Variants in ZNF536 observed in about 807,000 individuals in gnomAD.
ZNF536 encodes zinc finger protein 536.
Under a neutral mutation model 84.5 loss-of-function variants are expected in ZNF536, and 13 were observed. The ratio of observed to expected loss-of-function variants is 0.15; its 90% CI spans 0.10 to 0.24. The LOEUF is 0.24. Ranked by LOEUF, ZNF536 falls within the 10% of genes least tolerant of loss-of-function variation. The pLI is 1.00. For missense variants in ZNF536, 1,536 were observed against 1,747.5 expected, an observed-to-expected ratio of 0.88 and a Z score of 2.16; for synonymous variants, 811 against 742.5, an observed-to-expected ratio of 1.09 and a Z score of -1.50.
At chr19:30,635,928 C>G (rs1203139458) in intron 1 of ZNF536, among the ~76,000 whole-genome samples, 2 of 152,212 alleles carry the variant, frequency 1.3e-5, no homozygotes, top group African/African-American at 4.8e-5. Flanking sequence ...GCTGCAGGCT[C>G]TCCCCGGGTA....
At chr19:30,234,769 AC>A in intron 1 of ZNF536, among the ~76,000 whole-genome samples, 1 of 145,208 alleles carries the variant, frequency 6.9e-6, no homozygotes, top group South Asian at 2.1e-4. Flanking sequence ...ACACACACAC[AC>A]ACACGCGCAC....
upstream of ZNF536, among the ~76,000 whole-genome samples, chr19:30,225,732 C>A (rs1000415561): frequency 1.9e-4 from 1 of 5,300 alleles, no homozygotes; most frequent in Non-Finnish European, 3.6e-4. Context: ...GGGCGCGGCG[C>A]GGGGGGGCGG....
At chr19:30,612,420 C>G (rs2048134662) in intron 1 of ZNF536, among the ~76,000 whole-genome samples, 1 of 152,142 alleles carries the variant, frequency 6.6e-6, no homozygotes, top group African/African-American at 2.4e-5. Flanking sequence ...TCTTTACCAA[C>G]CAGAGGAAAC....
intron 1 of ZNF536, among the ~76,000 whole-genome samples, chr19:30,616,571 T>C (rs1162187174): frequency 6.6e-6 from 1 of 152,244 alleles, no homozygotes; most frequent in Admixed American, 6.5e-5. Context: ...AAAAATGTTA[T>C]TTAGAATTTG....
chr19:30,472,790 A>G (rs909764069), intron 2 of ZNF536, among the ~76,000 whole-genome samples: 1 of 152,156 alleles, frequency 6.6e-6, no homozygotes. Flanking sequence ...CTATGGGGTT[A>G]CCTGCAGTTT....
At chr19:30,563,947 T>C (rs1325315175) in intron 1 of ZNF536, among the ~76,000 whole-genome samples, 2 of 152,078 alleles carry the variant, frequency 1.3e-5, no homozygotes, top group East Asian at 3.9e-4. Context: ...TCAAGGTGTC[T>C]CTGGGATGGG....
intron 2 of ZNF536, among the ~76,000 whole-genome samples, chr19:30,523,646 C>A (rs1443881195): frequency 6.6e-6 from 1 of 152,142 alleles, no homozygotes; most frequent in East Asian, 1.9e-4. Flanking sequence ...TGGGTACTCT[C>A]AGTTTCAGCA....
At chr19:30,498,188 C>T (rs1484418152) in intron 2 of ZNF536, among the ~76,000 whole-genome samples, 1 of 152,058 alleles carries the variant, frequency 6.6e-6, no homozygotes, top group African/African-American at 2.4e-5. Context: ...GGAATCAACA[C>T]AAATGACCGT....
intron 2 of ZNF536, among the ~76,000 whole-genome samples, chr19:30,314,961 C>CA (rs2042686365): frequency 6.6e-6 from 1 of 152,194 alleles, no homozygotes; most frequent in East Asian, 1.9e-4. Flanking sequence ...GCCTAAATGG[C>CA]ATGTCTCAGC....
chr19:30,448,338 A>G (rs2052446717), intron 2 of ZNF536, among the ~76,000 whole-genome samples: 1 of 152,210 alleles, frequency 6.6e-6, no homozygotes, highest in Non-Finnish European at 1.5e-5. Flanking sequence ...ATTTCCAACA[A>G]GTTTGACTTG....
intron 2 of ZNF536, among the ~76,000 whole-genome samples, chr19:30,498,517 C>G (rs1052251295): frequency 6.6e-6 from 1 of 152,026 alleles, no homozygotes; most frequent in Admixed American, 6.6e-5. Flanking sequence ...GATGGGTTAA[C>G]AGGTGCAGCA....
At chr19:30,518,911 C>G (rs539353060) in intron 2 of ZNF536, among the ~76,000 whole-genome samples, 81 of 152,266 alleles carry the variant, frequency 5.3e-4, no homozygotes, top group African/African-American at 1.9e-3. Context: ...GGATTGCAGG[C>G]TGAGGGAAAG....
intron 2 of ZNF536, among the ~76,000 whole-genome samples, chr19:30,481,612 T>A (rs1002280440): frequency 6.6e-6 from 1 of 152,376 alleles, no homozygotes. Context: ...TTAAATGGAT[T>A]TAATCCTTGT....
At chr19:30,277,195 A>T (rs2026172877) in intron 1 of ZNF536, among the ~76,000 whole-genome samples, 1 of 152,216 alleles carries the variant, frequency 6.6e-6, no homozygotes, top group Admixed American at 6.5e-5. Context: ...CAACAGACAA[A>T]GAGTTTAAAT....
intron 2 of ZNF536, among the ~76,000 whole-genome samples, chr19:30,287,666 G>A (rs796532401): frequency 3.7e-4 from 23 of 61,446 alleles, no homozygotes; most frequent in Middle Eastern, 0.017. Context: ...GGATGGATGG[G>A]TGGGTGGATG....
intron 2 of ZNF536, among the ~76,000 whole-genome samples, chr19:30,476,342 A>G (rs73552170): frequency 0.16 from 24,814 of 152,150 alleles, 3,034 homozygotes; most frequent in African/African-American, 0.34. Context: ...GAGAAAAGTG[A>G]AATTTAGGGG....
At chr19:30,607,764 G>A (rs371452458) in intron 1 of ZNF536, among the ~76,000 whole-genome samples, 89 of 150,862 alleles carry the variant, frequency 5.9e-4, no homozygotes, top group African/African-American at 2.2e-3. Context: ...ATGCATATGT[G>A]TGTAACATAT....
rs538602149 is a variant in ZNF536, at chr19:30,684,976, G to T, written c.170-25781G>T. On this transcript the variant is annotated intron_variant, in intron 1 of 1. Transcript: ENST00000592773. ...CCAGGGGGTTATGTGGGAGGGGGTT[G>T]TCTCAATTACAGCTACTCAGGCCAC... is the stretch of plus-strand genomic sequence containing the variant. 7.2e-5 allele frequency among the ~76,000 whole-genome samples: 11 copies of T among 152,288 alleles called. No individual in the cohort carries two copies. In the South Asian group the frequency reaches 2.3e-3, roughly 32 times the overall value.
intron 1 of ZNF536, among the ~76,000 whole-genome samples, chr19:30,425,584 C>T (rs73924739): frequency 0.05 from 7,636 of 152,204 alleles, 617 homozygotes; most frequent in African/African-American, 0.17. Flanking sequence ...CACTGCCACC[C>T]GCTTAGACTC....
Sources: gnomAD v4.1 joint callset for allele counts (sites outside exome capture counted in the v4.1 genomes callset) on GRCh38, gnomAD v4.1.1 for gene constraint, MANE v1.5 for transcripts, NCBI Gene and HGNC (gene_info 2026-07-23, HGNC 2026-07-21) for gene names.